The following LEMD1 variants were observed in gnomAD, a reference collection of about 807,000 sequenced individuals.
LEMD1 encodes the protein LEM domain containing 1, also known as LEM domain-containing protein 1.
Under a neutral mutation model 17.4 loss-of-function variants are expected in LEMD1, and 18 were observed. The ratio of observed to expected loss-of-function variants is 1.04; its 90% CI spans 0.72 to 1.54. The LOEUF is 1.54. LEMD1 is among the 40% of genes most tolerant of loss of function. The pLI, the probability that LEMD1 is intolerant of heterozygous loss-of-function variation, is 0.00. For missense variants in LEMD1, 195 were observed against 210.4 expected (o/e 0.93, Z 0.45); for synonymous variants, 88 against 77.8 (o/e 1.13, Z -0.69).
At chr1:205,411,109 A>C (rs1455795970) in intron 4 of LEMD1, among the ~76,000 whole-genome samples, 2 of 148,384 alleles carry the variant, frequency 1.3e-5, no homozygotes, top group African/African-American at 2.5e-5. Flanking sequence ...AAAAGAAAGA[A>C]AGGAAGGAGG....
intron 4 of LEMD1, among the ~76,000 whole-genome samples, chr1:205,411,583 A>G (rs1424151153): frequency 2.1e-5 from 3 of 145,856 alleles, no homozygotes; most frequent in Non-Finnish European, 4.5e-5. Context: ...AGAAGGAGAG[A>G]GGAAAGGAAG....
intron 1 of LEMD1, among the ~76,000 whole-genome samples, chr1:205,430,777 T>G (rs941712903): frequency 1.3e-5 from 2 of 152,184 alleles, no homozygotes; most frequent in Admixed American, 6.5e-5. Context: ...AGGCCGCGGC[T>G]CCAGCCGCCC....
chr1:205,419,252 C>T lies in LEMD1; in HGVS notation c.183G>A (p.Ala61=), dbSNP rs376263520. 1.9e-4 allele frequency: 300 copies of T among 1,614,062 alleles called. No individual in the cohort carries two copies. Among genetic ancestry groups the T allele is most frequent in the African/African-American group, 2.3e-4 (17 of 74,936 alleles). Reference sequence around the variant, plus strand: ...TACCTTCGCTGTCATCACTGTCCTGCGCTCCATCCAGCTCTCTGGGTCCAT... The same window carrying T: ...TACCTTCGCTGTCATCACTGTCCTGTGCTCCATCCAGCTCTCTGGGTCCAT... ...VMNGPRELDG[A]QDSDDSEELN... The change falls in exon 3 of 6, where the codon GCG becomes GCA. Residue 61 remains alanine, a synonymous_variant. Coordinates refer to ENST00000367153, the MANE Select transcript of LEMD1 (RefSeq NM_001199050.2).
At chr1:205,398,780 C>G (rs575753408) in intron 4 of LEMD1, among the ~76,000 whole-genome samples, 84 of 152,078 alleles carry the variant, frequency 5.5e-4, no homozygotes, top group African/African-American at 1.9e-3. Flanking sequence ...GGAAGAGGGA[C>G]AGTGAGGGGA....
chr1:205,418,663 G>A (rs566706474), intron 3 of LEMD1, among the ~76,000 whole-genome samples: 4 of 152,058 alleles, frequency 2.6e-5, no homozygotes, highest in Non-Finnish European at 2.9e-5. Flanking sequence ...TTACAGGTGC[G>A]TGCCATCACG....
At chr1:205,391,395 G>A (rs1217800143) in intron 4 of LEMD1, among the ~76,000 whole-genome samples, 1 of 151,964 alleles carries the variant, frequency 6.6e-6, no homozygotes, top group East Asian at 1.9e-4. Context: ...CCTGGACTGG[G>A]AGCTGGAGGA....
intron 4 of LEMD1, chr1:205,386,309 C>CTTT (rs10645710): frequency 0.089 from 12,803 of 144,508 alleles, 1,567 homozygotes; most frequent in African/African-American, 0.27. Flanking sequence ...GTGCCCCCTT[C>CTTT]TTTTTTTTTT....
chr1:205,441,526 G>C lies in LEMD1; in HGVS notation c.-39+8342C>G, dbSNP rs1002142349. On this transcript the variant is annotated intron_variant, in intron 1 of 3. Coordinates refer to the LEMD1 transcript ENST00000367154. This position sits in a 1 kb window ranked among gnomAD's most constrained non-coding sequence, Gnocchi z 4.3. Reference sequence around the variant, plus strand: ...GACAGGCCCTCCTCCATCCAAATGCGGACCCCTTCATCCAGTGTAGCTTTA... The same window carrying C: ...GACAGGCCCTCCTCCATCCAAATGCCGACCCCTTCATCCAGTGTAGCTTTA... Among the ~76,000 whole-genome samples the C allele has an allele frequency of 3.3e-5, 5 of 152,096 alleles. No homozygotes were observed. The highest frequency in any genetic ancestry group is 1.2e-4 in the African/African-American group (5 of 41,416).
rs1666286132 is a variant in LEMD1 at position 205,441,048 on chromosome 1, A to C, written c.-39+8820T>G. 6.5e-6 allele frequency: 1 copy of C among 152,678 alleles called. No individual in the cohort carries two copies. The highest frequency in any genetic ancestry group is 2.4e-5 in the African/African-American group (1 of 41,446). The allele number at this position is 152,678 out of a possible 1,614,324, so 9.5% of individuals were successfully genotyped here. On this transcript the variant is annotated intron_variant, in intron 1 of 3. Transcript: ENST00000367154. This position sits in a 1 kb window ranked among gnomAD's most constrained non-coding sequence, Gnocchi z 4.3. Reference sequence around the variant, plus strand: ...GCATGCCCTACGCCAGGCTGGGGGAACACTCACCAGAGATCTGCAGGGAAA... The same window carrying C: ...GCATGCCCTACGCCAGGCTGGGGGACCACTCACCAGAGATCTGCAGGGAAA...
At chr1:205,417,265 G>C (rs1003112087) in intron 3 of LEMD1, among the ~76,000 whole-genome samples, 3 of 152,190 alleles carry the variant, frequency 2.0e-5, no homozygotes, top group Admixed American at 1.3e-4. Flanking sequence ...AGATCAGGTA[G>C]GCACTATCTA....
intron 1 of LEMD1, among the ~76,000 whole-genome samples, chr1:205,445,097 T>G (rs990797939): frequency 2.6e-5 from 4 of 152,142 alleles, no homozygotes; most frequent in Non-Finnish European, 4.4e-5. Flanking sequence ...GAGACCGGAT[T>G]TGGGGGATTA....
intron 4 of LEMD1, among the ~76,000 whole-genome samples, chr1:205,401,883 T>C (rs1162964129): frequency 6.6e-6 from 1 of 152,028 alleles, no homozygotes; most frequent in Non-Finnish European, 1.5e-5. Flanking sequence ...TTTTGTATAA[T>C]GTGTAAGGAA....
chr1:205,382,155 C>T, intron 5 of LEMD1: 1 of 307,546 alleles, frequency 3.3e-6, no homozygotes, highest in Non-Finnish European at 6.0e-6. Flanking sequence ...GTACATGCCA[C>T]CACCCCCAGC....
At chr1:205,442,534 C>T (rs1312855802) in intron 1 of LEMD1, among the ~76,000 whole-genome samples, 1 of 152,166 alleles carries the variant, frequency 6.6e-6, no homozygotes, top group African/African-American at 2.4e-5. Flanking sequence ...GGATCCAAGT[C>T]CTGTCAAGAT....
intron 5 of LEMD1, among the ~76,000 whole-genome samples, chr1:205,382,656 G>A (rs56273139): frequency 0.038 from 5,796 of 152,216 alleles, 196 homozygotes; most frequent in African/African-American, 0.096. Flanking sequence ...ACCCACTTGT[G>A]TATCACTTCT....
chr1:205,391,946 GAAAAAAA>G (rs60047814), intron 4 of LEMD1, among the ~76,000 whole-genome samples: 16 of 110,020 alleles, frequency 1.5e-4, no homozygotes, highest in Middle Eastern at 9.3e-3. Context: ...CGTCTCTACC[GAAAAAAA>G]AAAAAAAAAA....
intron 4 of LEMD1, among the ~76,000 whole-genome samples, chr1:205,407,781 G>A (rs1665189176): frequency 6.6e-6 from 1 of 152,132 alleles, no homozygotes; most frequent in Admixed American, 6.5e-5. Flanking sequence ...TTAAGTCGGG[G>A]GCTGGACTGA....
At chr1:205,403,820 C>T (rs367744446) in intron 4 of LEMD1, among the ~76,000 whole-genome samples, 1 of 152,020 alleles carries the variant, frequency 6.6e-6, no homozygotes, top group Admixed American at 6.6e-5. Flanking sequence ...ATCTTTCCTG[C>T]TTTCTCTTGT....
In LEMD1 at chr1:205,448,439, C is replaced by G. The variant is rs1278113107; in HGVS notation, c.-39+1429G>C. The G allele has an allele frequency of 1.9e-6, 1 of 531,350 alleles. No homozygotes were observed. The highest frequency in any genetic ancestry group is 3.9e-6 in the Non-Finnish European group (1 of 259,540). 32.9% of individuals were successfully genotyped at this position (531,350 alleles called of 1,614,324 possible). A position where few individuals can be genotyped will look rare whatever the true frequency, so the allele number is the denominator to read the frequency against. On this transcript the variant is annotated intron_variant, in intron 1 of 3. Coordinates refer to the LEMD1 transcript ENST00000367154. This position sits in a 1 kb window ranked among gnomAD's most constrained non-coding sequence, Gnocchi z 4.7. ...AGGAATCTCATAGGGAAGCGAGAAG[C>G]TGGGGCACCCGAGAAGCCCTCACTC... is the stretch of plus-strand genomic sequence containing the variant.
Sources: gnomAD v4.1 joint callset for allele counts (sites outside exome capture counted in the v4.1 genomes callset) on GRCh38, gnomAD v4.1.1 for gene constraint, Gnocchi (gnomAD v3.1) non-coding constraint, MANE v1.5 for transcripts, NCBI Gene and HGNC (gene_info 2026-07-23, HGNC 2026-07-21) for gene names.